The following RMDN2 variants were observed in gnomAD, a reference collection of about 807,000 sequenced individuals.
RMDN2 encodes the protein regulator of microtubule dynamics 2, also known as regulator of microtubule dynamics protein 2.
In RMDN2, 61 loss-of-function variants were observed where a neutral mutation model predicts 52.8. That is an observed-to-expected ratio of 1.16 (90% CI 0.94 to 1.43). RMDN2 has a LOEUF of 1.43. RMDN2 is among the 40% of genes most tolerant of loss of function. The pLI, the probability that RMDN2 is intolerant of heterozygous loss-of-function variation, is 0.00. For synonymous variants in RMDN2, 180 were observed against 153.1 expected, an observed-to-expected ratio of 1.18 and a Z score of -1.30; for missense variants, 592 against 475.3, an observed-to-expected ratio of 1.25 and a Z score of -2.28.
At chr2:37,958,073 T>C (rs1669714250) in intron 2 of RMDN2, among the ~76,000 whole-genome samples, 1 of 152,224 alleles carries the variant, frequency 6.6e-6, no homozygotes, top group South Asian at 2.1e-4. Context: ...TGAAGTCAGG[T>C]AGTGTGATGC....
At chr2:37,997,625 C>T in intron 8 of RMDN2, 111 bp downstream of exon 8, 1 of 735,524 alleles carries the variant, frequency 1.4e-6, no homozygotes, top group Non-Finnish European at 2.4e-6. Flanking sequence ...AGTTTGAATC[C>T]TGGTTTTGGC....
At chr2:38,003,839 G>C (rs1169910351) in intron 8 of RMDN2, 152 bp from the exon 9 acceptor site, 2 of 653,420 alleles carry the variant, frequency 3.1e-6, no homozygotes, top group East Asian at 5.4e-5. Context: ...TACTTAAACT[G>C]ATCAAGTGAT....
intron 10 of RMDN2, chr2:38,066,879 C>T: frequency 9.6e-7 from 1 of 1,039,402 alleles, no homozygotes; most frequent in South Asian, 1.3e-5. Flanking sequence ...TCTTAAACCA[C>T]TCCATAGCCA....
Position 38,004,168 on chromosome 2 carries a change from T to A in RMDN2, c.1131T>A (p.Ala377=). 6.2e-7 allele frequency: 1 copy of A among 1,613,876 alleles called. No homozygotes were observed. The highest frequency in any genetic ancestry group is 8.5e-7 in the Non-Finnish European group (1 of 1,179,858). Residue 377 remains alanine, a synonymous_variant, in exon 10 of 11, where the codon GCT becomes GCA. Coordinates refer to ENST00000354545, the MANE Select transcript of RMDN2 (RefSeq NM_001170791.3). ...CYTDLEENQN[A]LKFCNLALLL... ...CTGATCTTGAGGAAAACCAGAATGC[T>A]TTGAAGTTCTGTAATTTGGCTTTAT...
chr2:38,034,491 C>T (rs951409900), intron 10 of RMDN2, among the ~76,000 whole-genome samples: 3 of 152,076 alleles, frequency 2.0e-5, no homozygotes, highest in African/African-American at 7.2e-5. Context: ...GTTAACCAAC[C>T]TTCAACCAAC....
At chr2:38,066,115 T>C (rs1008376649) in intron 10 of RMDN2, among the ~76,000 whole-genome samples, 1 of 152,238 alleles carries the variant, frequency 6.6e-6, no homozygotes, top group Non-Finnish European at 1.5e-5. Context: ...AGAATACTTC[T>C]AAATATATAA....
At chr2:37,995,713 G>A (rs1409648871) in intron 7 of RMDN2, among the ~76,000 whole-genome samples, 2 of 152,180 alleles carry the variant, frequency 1.3e-5, no homozygotes, top group African/African-American at 2.4e-5. Flanking sequence ...TGCAGAATGT[G>A]TGCTAAAATG....
chr2:37,968,664 G>C (rs944474040), intron 2 of RMDN2, among the ~76,000 whole-genome samples: 4 of 152,118 alleles, frequency 2.6e-5, no homozygotes, highest in African/African-American at 9.7e-5. Context: ...AGAGTTGAAG[G>C]GATAGGAACA....
chr2:38,049,920 A>G (rs2125298495), intron 10 of RMDN2, among the ~76,000 whole-genome samples: 1 of 152,356 alleles, frequency 6.6e-6, no homozygotes, highest in Non-Finnish European at 1.5e-5. Flanking sequence ...TAATACTGTC[A>G]GTAATTATTA....
intron 2 of RMDN2, among the ~76,000 whole-genome samples, chr2:37,932,317 G>A (rs1377843980): frequency 6.6e-5 from 10 of 151,778 alleles, no homozygotes; most frequent in Non-Finnish European, 1.2e-4. Flanking sequence ...ATCTTGCACC[G>A]CCCTTAATCC....
At chr2:38,057,354 G>A (rs1237719068) in intron 10 of RMDN2, among the ~76,000 whole-genome samples, 2 of 152,170 alleles carry the variant, frequency 1.3e-5, no homozygotes, top group African/African-American at 4.8e-5. Context: ...TTTATTTATG[G>A]ATACTGAAAT....
chr2:38,017,797 G>A (rs139498246), downstream of RMDN2: 180 of 246,108 alleles, frequency 7.3e-4, no homozygotes, highest in African/African-American at 4.1e-3. Context: ...CTTTGTGTGA[G>A]CAACAAGGCT....
chr2:38,016,629 C>G (rs1320714546), intron 10 of RMDN2, among the ~76,000 whole-genome samples: 2 of 152,084 alleles, frequency 1.3e-5, no homozygotes, highest in Admixed American at 6.5e-5. Flanking sequence ...TTTGGAACAG[C>G]CTTCAACCTC....
intron 2 of RMDN2, among the ~76,000 whole-genome samples, chr2:37,935,437 G>C (rs754539298): frequency 1.3e-5 from 2 of 152,232 alleles, no homozygotes; most frequent in Non-Finnish European, 2.9e-5. Context: ...GCATGGAGAT[G>C]AACAGAGATT....
At chr2:38,065,869 CAGAAG>C (rs1159355899) in intron 10 of RMDN2, among the ~76,000 whole-genome samples, 1 of 152,182 alleles carries the variant, frequency 6.6e-6, no homozygotes, top group Non-Finnish European at 1.5e-5. Flanking sequence ...GGGCTTTTCT[CAGAAG>C]AGAGCAGTGT....
intron 8 of RMDN2, among the ~76,000 whole-genome samples, chr2:38,003,584 A>ATAGATAGATAGG (rs1371245214): frequency 6.6e-6 from 1 of 151,850 alleles, no homozygotes; most frequent in Non-Finnish European, 1.5e-5. Context: ...AGATAGATAG[A>ATAGATAGATAGG]TAGATAGATA....
chr2:37,983,955 CA>C (rs976192608), intron 5 of RMDN2, among the ~76,000 whole-genome samples: 6 of 152,144 alleles, frequency 3.9e-5, no homozygotes, highest in African/African-American at 1.4e-4. Flanking sequence ...AGAGTAGTTG[CA>C]AAAGACTGGC....
At chr2:37,967,873 T>C (rs762156897) in intron 2 of RMDN2, among the ~76,000 whole-genome samples, 13 of 152,246 alleles carry the variant, frequency 8.5e-5, no homozygotes, top group Non-Finnish European at 1.5e-4. Context: ...AACATTGATA[T>C]GGTTCAATTC....
At chr2:37,984,589 T>C (rs1039085359) in intron 5 of RMDN2, among the ~76,000 whole-genome samples, 6 of 152,220 alleles carry the variant, frequency 3.9e-5, no homozygotes, top group Non-Finnish European at 8.8e-5. Flanking sequence ...CTGTTAACAG[T>C]ATGCTGCCTC....
Sources: allele counts gnomAD v4.1 joint callset (sites outside exome capture counted in the v4.1 genomes callset), GRCh38; gene constraint gnomAD v4.1.1; transcripts MANE v1.5; gene names NCBI Gene and HGNC (gene_info 2026-07-23, HGNC 2026-07-21).